Variants in ZSWIM6 observed in about 807,000 individuals in gnomAD.
The protein encoded by ZSWIM6 is zinc finger SWIM domain-containing protein 6.
In ZSWIM6, 9 loss-of-function variants were observed where a neutral mutation model predicts 113.2. The observed-to-expected ratio is 0.08, with a 90% CI of 0.05 to 0.14. The LOEUF (loss-of-function observed/expected upper bound fraction) is 0.14, where lower values mean the gene tolerates loss of function less well. Among genes scored for constraint, ZSWIM6 ranks in the 10% least tolerant of loss-of-function variants. The probability of loss-of-function intolerance (pLI) is 1.00; values close to 1 mark genes in which losing one functional copy is unlikely to be tolerated. For missense variants in ZSWIM6, 1,162 were observed against 1,552.2 expected (o/e 0.75, Z 4.22); for synonymous variants, 611 against 606.5 (o/e 1.01, Z -0.11).
intron 1 of ZSWIM6, among the ~76,000 whole-genome samples, chr5:61,371,243 C>T (rs1745255707): frequency 6.6e-6 from 1 of 152,134 alleles, no homozygotes; most frequent in Non-Finnish European, 1.5e-5. Context: ...CCTTACTCCA[C>T]CTAGATTTTG....
At chr5:61,403,711 A>G (rs2112105660) in intron 1 of ZSWIM6, among the ~76,000 whole-genome samples, 1 of 152,368 alleles carries the variant, frequency 6.6e-6, no homozygotes, top group South Asian at 2.1e-4. Context: ...ATCGTACAAA[A>G]TAATGTATGC....
At chr5:61,391,692 G>A (rs1745718715) in intron 1 of ZSWIM6, 2 of 1,126,704 alleles carry the variant, frequency 1.8e-6, no homozygotes, top group Non-Finnish European at 2.7e-6. Context: ...CTGGCCTGTC[G>A]ACTTCCCGCA....
intron 4 of ZSWIM6, among the ~76,000 whole-genome samples, chr5:61,514,041 C>T (rs1309534854): frequency 6.6e-6 from 1 of 152,056 alleles, no homozygotes; most frequent in Non-Finnish European, 1.5e-5. Context: ...GACATGTTAA[C>T]AGTATTGAGT....
intron 1 of ZSWIM6, among the ~76,000 whole-genome samples, chr5:61,420,156 C>T (rs573966686): frequency 6.6e-6 from 1 of 152,212 alleles, no homozygotes; most frequent in African/African-American, 2.4e-5. Flanking sequence ...TCTTTAAATT[C>T]TTTCATCTTT....
chr5:61,484,557 A>G (rs961956017), intron 2 of ZSWIM6, among the ~76,000 whole-genome samples: 3 of 152,218 alleles, frequency 2.0e-5, no homozygotes, highest in African/African-American at 7.2e-5. Flanking sequence ...ACATTTATGT[A>G]AAGAATCTAT....
intron 1 of ZSWIM6, among the ~76,000 whole-genome samples, chr5:61,345,015 T>G (rs1369730741): frequency 3.9e-5 from 6 of 152,226 alleles, no homozygotes; most frequent in Non-Finnish European, 8.8e-5. Context: ...AGAATTGTCT[T>G]GTCAGGTCAG....
intron 2 of ZSWIM6, among the ~76,000 whole-genome samples, chr5:61,474,169 TTTG>T (rs1166005310): frequency 1.3e-5 from 2 of 152,176 alleles, no homozygotes; most frequent in Non-Finnish European, 2.9e-5. Context: ...CGGTTTGTGT[TTTG>T]TTGTTTTTGA....
intron 1 of ZSWIM6, among the ~76,000 whole-genome samples, chr5:61,381,169 C>A (rs924378402): frequency 1.3e-5 from 2 of 152,234 alleles, no homozygotes; most frequent in Non-Finnish European, 2.9e-5. Flanking sequence ...AGGAGAATCA[C>A]TTGAATCCGG....
At chr5:61,523,617 T>C (rs1363022052) in intron 5 of ZSWIM6, among the ~76,000 whole-genome samples, 1 of 152,228 alleles carries the variant, frequency 6.6e-6, no homozygotes, top group Non-Finnish European at 1.5e-5. Flanking sequence ...ATTTCCCTTT[T>C]TTCAATCTTA....
chr5:61,460,633 A>G (rs1561246608), intron 1 of ZSWIM6, among the ~76,000 whole-genome samples: 1 of 152,154 alleles, frequency 6.6e-6, no homozygotes, highest in Non-Finnish European at 1.5e-5. Context: ...AAATTGTCCA[A>G]TAATGCAGTG....
chr5:61,381,207 C>T (rs932863338), intron 1 of ZSWIM6, among the ~76,000 whole-genome samples: 3 of 152,082 alleles, frequency 2.0e-5, no homozygotes, highest in South Asian at 2.1e-4. Context: ...GAGCCAAGAT[C>T]GTGCCACTGC....
chr5:61,373,378 T>C (rs1048418464), intron 1 of ZSWIM6, among the ~76,000 whole-genome samples: 3 of 145,660 alleles, frequency 2.1e-5, no homozygotes, highest in Non-Finnish European at 3.0e-5. Context: ...ATTTCTTTTT[T>C]TTTTTTTTTT....
intron 1 of ZSWIM6, among the ~76,000 whole-genome samples, chr5:61,370,392 T>C (rs1745241515): frequency 6.6e-6 from 1 of 152,248 alleles, no homozygotes; most frequent in Admixed American, 6.5e-5. Flanking sequence ...TTTTCCTCCT[T>C]GTATTTCCTA....
chr5:61,381,151 G>A (rs1322248959), intron 1 of ZSWIM6, among the ~76,000 whole-genome samples: 1 of 152,176 alleles, frequency 6.6e-6, no homozygotes, highest in Non-Finnish European at 1.5e-5. Flanking sequence ...TACTCGGGAG[G>A]CTGAGGCAGG....
At chr5:61,511,018 A>C (rs1367048815) in intron 4 of ZSWIM6, among the ~76,000 whole-genome samples, 1 of 152,156 alleles carries the variant, frequency 6.6e-6, no homozygotes, top group Non-Finnish European at 1.5e-5. Flanking sequence ...TAAATGCCCA[A>C]AGTGGGACTC....
At chr5:61,391,549 T>G in intron 1 of ZSWIM6, 2 of 986,754 alleles carry the variant, frequency 2.0e-6, no homozygotes, top group Admixed American at 3.4e-5. Context: ...GCTGATGTGC[T>G]CAGCGAAGAC....
chr5:61,335,533 T>G (rs1266925393), intron 1 of ZSWIM6, among the ~76,000 whole-genome samples: 1 of 152,246 alleles, frequency 6.6e-6, no homozygotes, highest in Non-Finnish European at 1.5e-5. Flanking sequence ...TATGCTAACT[T>G]GAAAGGCTTA....
intron 4 of ZSWIM6, among the ~76,000 whole-genome samples, chr5:61,517,590 T>C (rs184247703): frequency 6.6e-6 from 1 of 152,178 alleles, no homozygotes; most frequent in African/African-American, 2.4e-5. Context: ...TGAGTGATAA[T>C]TCTAACATCT....
intron 1 of ZSWIM6, among the ~76,000 whole-genome samples, chr5:61,334,906 T>TC (rs1398931043): frequency 2.0e-4 from 30 of 150,204 alleles, no homozygotes; most frequent in African/African-American, 5.9e-4. Context: ...TTTTTTTTTT[T>TC]CCCCCTCCCT....
Sources: allele counts gnomAD v4.1 joint callset (sites outside exome capture counted in the v4.1 genomes callset), GRCh38; gene constraint gnomAD v4.1.1; transcripts MANE v1.5; gene names NCBI Gene and HGNC (gene_info 2026-07-23, HGNC 2026-07-21).